The following SYBU variants were observed in gnomAD, a reference collection of about 807,000 sequenced individuals.
SYBU encodes the protein syntabulin, also known as GOLSYN A protein.
SYBU carries 21 observed loss-of-function variants against 35.9 expected under a neutral mutation model. The ratio of observed to expected loss-of-function variants is 0.58; its 90% CI spans 0.41 to 0.84. SYBU has a LOEUF of 0.84. Among genes scored for constraint, SYBU ranks in the 40% least tolerant of loss-of-function variants. The pLI, the probability that SYBU is intolerant of heterozygous loss-of-function variation, is 0.00. For synonymous variants in SYBU, 319 were observed against 324.3 expected, an observed-to-expected ratio of 0.98 and a Z score of 0.18; for missense variants, 768 against 848.2, an observed-to-expected ratio of 0.91 and a Z score of 1.17.
At position 109,574,791 on chromosome 8, in the gene SYBU, A is replaced by G. The variant is rs184534050; in HGVS notation, c.*115T>C. On this transcript the variant is annotated 3_prime_UTR_variant, in exon 7 of 7. Transcript: ENST00000276646. Reference sequence around the variant, plus strand: ...CTTCAACTAAATATAGTGCAAATCAAATACCAAGGAGCAAAACGACAGAAT... The same window carrying G: ...CTTCAACTAAATATAGTGCAAATCAGATACCAAGGAGCAAAACGACAGAAT... 1.6e-6 allele frequency: 2 copies of G among 1,216,514 alleles called. No homozygotes were observed. The highest frequency in any genetic ancestry group is 2.4e-5 in the East Asian group (1 of 41,592). The allele number at this position is 1,216,514 out of a possible 1,614,324, so 75.4% of individuals were successfully genotyped here.
At chr8:109,652,746 C>T (rs185487856) in intron 1 of SYBU, among the ~76,000 whole-genome samples, 6 of 152,142 alleles carry the variant, frequency 3.9e-5, no homozygotes, top group South Asian at 2.1e-4. Flanking sequence ...TCAAAATATA[C>T]GGCTATACGA....
chr8:109,678,436 T>G (rs1376959153), intron 1 of SYBU, among the ~76,000 whole-genome samples: 2 of 12,920 alleles, frequency 1.5e-4, no homozygotes, highest in Admixed American at 2.5e-3. Context: ...CAAATAACCT[T>G]TTTTTTTTTT....
upstream of SYBU, among the ~76,000 whole-genome samples, chr8:109,682,109 C>T (rs558473699): frequency 2.6e-5 from 4 of 152,182 alleles, no homozygotes; most frequent in Non-Finnish European, 4.4e-5. Context: ...ATTAGCAGCA[C>T]GAGAATAGAC....
intron 1 of SYBU, among the ~76,000 whole-genome samples, chr8:109,679,715 T>A (rs13281238): frequency 0.097 from 14,832 of 152,276 alleles, 780 homozygotes; most frequent in East Asian, 0.12. Context: ...AATAATTACC[T>A]CTATTTCAGG....
Position 109,579,860 on chromosome 8 carries a change from A to C in SYBU, c.673T>G (p.Ser225Ala). The change falls in exon 5 of 7, where the codon TCT (serine) becomes GCT (alanine). Residue 225 changes from serine to alanine, a missense_variant. Physicochemically the swap from Ser to Ala is moderately conservative, Grantham distance 99. Coordinates refer to ENST00000276646, the MANE Select transcript of SYBU (RefSeq NM_001099754.2). The stretch of plus-strand genomic sequence containing the variant: ...CCTGAGTTGCTACTGCTTGGGGAAG[A>C]AGGTGCATAACTGGGATGGATATTG... ...PVNIHPSYAP[S>A]SPSSSNSGSY... 6.2e-7 allele frequency: 1 copy of C among 1,613,654 alleles called. No individual in the cohort carries two copies. The highest frequency in any genetic ancestry group is 8.5e-7 in the Non-Finnish European group (1 of 1,179,842).
intron 5 of SYBU, among the ~76,000 whole-genome samples, chr8:109,579,042 G>C (rs751457150): frequency 1.3e-5 from 2 of 152,116 alleles, no homozygotes; most frequent in Non-Finnish European, 2.9e-5. Context: ...TGCTGTAAGA[G>C]AGCTGACTGA....
intron 2 of SYBU, among the ~76,000 whole-genome samples, chr8:109,635,507 T>C (rs995631674): frequency 2.0e-5 from 3 of 152,206 alleles, no homozygotes; most frequent in Admixed American, 6.5e-5. Context: ...GTCACCATCT[T>C]AGAATTTTCT....
chr8:109,605,266 T>A (rs528437974), intron 3 of SYBU, among the ~76,000 whole-genome samples: 1 of 152,232 alleles, frequency 6.6e-6, no homozygotes, highest in South Asian at 2.1e-4. Flanking sequence ...AAAGTCACCA[T>A]GCTAGTGGGG....
At position 109,668,800 on chromosome 8, in the gene SYBU, T is replaced by C. The variant is rs1268364898; in HGVS notation, c.-129+11911A>G. 4.6e-5 allele frequency among the ~76,000 whole-genome samples: 7 copies of C among 152,302 alleles called. No homozygotes were observed. The East Asian group carries it at 1.4e-3, about 29-fold the overall frequency. On this transcript the variant is annotated intron_variant, in intron 1 of 5. Transcript: ENST00000408889. ...TTCAAACGAGTCTCAGTGAAAAAGA[T>C]TGGGCTAGTAATTCAAGCTTAATAA...
intron 1 of SYBU, among the ~76,000 whole-genome samples, chr8:109,671,896 TG>T: frequency 6.6e-6 from 1 of 152,256 alleles, no homozygotes; most frequent in South Asian, 2.1e-4. Flanking sequence ...GAAGTCAAAA[TG>T]AATTTTTTTT....
chr8:109,575,251 G>A lies in SYBU; in HGVS notation c.1647C>T (p.Asn549=). 2 of 1,614,238 alleles carry A rather than the reference G, an allele frequency of 1.2e-6. No individual in the cohort carries two copies. The highest frequency in any genetic ancestry group is 2.2e-5 in the East Asian group (1 of 44,874). The stretch of plus-strand genomic sequence containing the variant: ...CCACGGGAGACAAAAGGATGGCTGA[G>A]TTTGGATTTCTTGGAGTTAAATCAA... ...LVVDLTPRNP[N]SAILLSPVET... is the part of the protein sequence containing the mutation. Residue 549 remains asparagine, a synonymous_variant, in exon 7 of 7, where the codon AAC becomes AAT. Transcript: ENST00000276646.
chr8:109,674,852 A>G (rs1304280401), intron 1 of SYBU, among the ~76,000 whole-genome samples: 1 of 152,168 alleles, frequency 6.6e-6, no homozygotes, highest in Non-Finnish European at 1.5e-5. Context: ...TCTTCTCAGC[A>G]CCATATCACA....
intron 3 of SYBU, among the ~76,000 whole-genome samples, chr8:109,617,817 A>G (rs1440757084): frequency 6.6e-6 from 1 of 152,370 alleles, no homozygotes; most frequent in East Asian, 1.9e-4. Flanking sequence ...TTCCTTGGTG[A>G]CAAAATGACC....
At chr8:109,606,878 A>G (rs1400310773) in intron 3 of SYBU, among the ~76,000 whole-genome samples, 1 of 152,202 alleles carries the variant, frequency 6.6e-6, no homozygotes, top group East Asian at 1.9e-4. Context: ...ATAAAAAAGT[A>G]AACAAAGTTA....
chr8:109,587,682 G>T (rs1297742325), intron 3 of SYBU, among the ~76,000 whole-genome samples: 1 of 152,104 alleles, frequency 6.6e-6, no homozygotes, highest in East Asian at 1.9e-4. Context: ...GCAGAGAGAA[G>T]AAAAAATCCT....
Position 109,618,677 on chromosome 8 carries a change from T to G in SYBU, c.427+165A>C, listed in dbSNP as rs1186810914. 28 of 655,436 alleles carry G rather than the reference T, an allele frequency of 4.3e-5. No homozygotes were observed. The Admixed American group carries it at 7.3e-4, about 17-fold the overall frequency. 40.6% of individuals were successfully genotyped at this position (655,436 alleles called of 1,614,324 possible). A position where few individuals can be genotyped will look rare whatever the true frequency, so the allele number is the denominator to read the frequency against. On this transcript the variant is annotated intron_variant, in intron 3 of 6. Transcript: ENST00000276646. Reference sequence around the variant, plus strand: ...AGTTACTCAGTTATTAAAAACCATTTCAGAAAATAGTCCACTTTCCACCCT... The same window carrying G: ...AGTTACTCAGTTATTAAAAACCATTGCAGAAAATAGTCCACTTTCCACCCT...
intron 5 of SYBU, among the ~76,000 whole-genome samples, chr8:109,578,375 T>A (rs1459519867): frequency 6.6e-6 from 1 of 152,208 alleles, no homozygotes; most frequent in Admixed American, 6.5e-5. Context: ...CTACAGTATG[T>A]AGCCCATGGT....
intron 1 of SYBU, among the ~76,000 whole-genome samples, chr8:109,657,368 C>A (rs1816393061): frequency 6.6e-6 from 1 of 152,120 alleles, no homozygotes. Context: ...CCTTTTAAAT[C>A]AGAAAGAATA....
chr8:109,576,064 A>AAAAAG lies in SYBU; in HGVS notation c.885-52_885-51insCTTTT, dbSNP rs1563671018. The AAAAAG allele has an allele frequency of 3.4e-6, 5 of 1,483,726 alleles. No homozygotes were observed. In the South Asian group the frequency reaches 6.8e-5, roughly 20 times the overall value. The allele number at this position is 1,483,726 out of a possible 1,614,324, so 91.9% of individuals were successfully genotyped here. The stretch of plus-strand genomic sequence containing the variant: ...AATTAAAAAAAAAAAAAAAAAAAAA[A>AAAAAG]AAAAAACTTTCAACTGGGCAACAGG... On this transcript the variant is annotated intron_variant, in intron 6 of 6. Transcript: ENST00000276646.
Sources: gnomAD v4.1 joint callset for allele counts (sites outside exome capture counted in the v4.1 genomes callset) on GRCh38, gnomAD v4.1.1 for gene constraint, MANE v1.5 for transcripts, NCBI Gene and HGNC (gene_info 2026-07-23, HGNC 2026-07-21) for gene names.